Variants in CNTN4 observed in about 807,000 individuals in gnomAD.
CNTN4 encodes contactin-4.
In CNTN4, 77 loss-of-function variants were observed where a neutral mutation model predicts 122.5. That is an observed-to-expected ratio of 0.63 (90% CI 0.52 to 0.76). CNTN4 has a LOEUF of 0.76. CNTN4 is among the 30% of genes least tolerant of loss of function. The pLI is 0.00. For synonymous variants in CNTN4, 512 were observed against 447.0 expected (o/e 1.15, Z -1.83); for missense variants, 1,256 against 1,259.1 (o/e 1.00, Z 0.04).
intron 3 of CNTN4, among the ~76,000 whole-genome samples, chr3:2,507,759 G>GA (rs1172646525): frequency 1.4e-5 from 2 of 143,578 alleles, no homozygotes; most frequent in Non-Finnish European, 3.1e-5. Flanking sequence ...AAGAAAGAAA[G>GA]AAAAAAGAAA....
chr3:2,899,068 T>G (rs1425759071), intron 10 of CNTN4, among the ~76,000 whole-genome samples: 1 of 152,234 alleles, frequency 6.6e-6, no homozygotes, highest in Admixed American at 6.5e-5. Flanking sequence ...CAGCAATGCA[T>G]CATCCCATCA....
intron 2 of CNTN4, among the ~76,000 whole-genome samples, chr3:2,294,081 A>G (rs1458023909): frequency 1.3e-5 from 2 of 152,200 alleles, no homozygotes; most frequent in Non-Finnish European, 2.9e-5. Flanking sequence ...GCTTGTTCCC[A>G]TGGTGGTGAG....
intron 7 of CNTN4, among the ~76,000 whole-genome samples, chr3:2,840,437 A>C (rs13090156): frequency 0.027 from 4,127 of 151,152 alleles, 83 homozygotes; most frequent in Non-Finnish European, 0.038. Context: ...GCGGTGGCTC[A>C]CGCCTGTCAT....
intron 2 of CNTN4, among the ~76,000 whole-genome samples, chr3:2,336,567 T>A (rs1400218701): frequency 6.6e-6 from 1 of 152,212 alleles, no homozygotes; most frequent in Non-Finnish European, 1.5e-5. Context: ...AGTGGGCTTA[T>A]GATTTCTTAA....
chr3:2,265,999 G>A (rs894900546), intron 2 of CNTN4, among the ~76,000 whole-genome samples: 1 of 151,924 alleles, frequency 6.6e-6, no homozygotes, highest in African/African-American at 2.4e-5. Context: ...ATAAAAAATC[G>A]TATCATCTGA....
intron 6 of CNTN4, among the ~76,000 whole-genome samples, chr3:2,755,318 A>T (rs1472605712): frequency 6.6e-6 from 1 of 152,346 alleles, no homozygotes; most frequent in East Asian, 1.9e-4. Flanking sequence ...TGGATGGATG[A>T]CTATTTAGAT....
chr3:2,322,962 C>G (rs1180139368), intron 2 of CNTN4, among the ~76,000 whole-genome samples: 1 of 151,912 alleles, frequency 6.6e-6, no homozygotes, highest in African/African-American at 2.4e-5. Flanking sequence ...GGAGGATTAC[C>G]GAAGTTCACT....
intron 6 of CNTN4, among the ~76,000 whole-genome samples, chr3:2,816,425 G>A (rs1322868169): frequency 1.3e-5 from 2 of 151,762 alleles, no homozygotes; most frequent in Non-Finnish European, 2.9e-5. Flanking sequence ...GGGGACTTAG[G>A]GGGAAGAGTG....
In CNTN4 at chr3:2,168,369, T is replaced by A. The variant is rs542647471; in HGVS notation, c.-145+67730T>A. ...TAAACTTGTGAATGGCTTTTGGGTT[T>A]AAGTGGAAATCAATTATACTATGAA... On this transcript the variant is annotated intron_variant, in intron 2 of 24. Coordinates refer to ENST00000418658, the MANE Select transcript of CNTN4 (RefSeq NM_175607.3). Among the ~76,000 whole-genome samples, 6 of 152,264 alleles carry A rather than the reference T, an allele frequency of 3.9e-5. No individual in the cohort carries two copies. In the South Asian group the frequency reaches 1.0e-3, roughly 26 times the overall value.
chr3:2,889,456 CAA>C (rs901247191), intron 10 of CNTN4, among the ~76,000 whole-genome samples: 136 of 152,256 alleles, frequency 8.9e-4, no homozygotes, highest in African/African-American at 3.2e-3. Flanking sequence ...GGTTGTAAAG[CAA>C]AAGACACCAC....
Position 2,145,482 on chromosome 3 carries a change from A to G in CNTN4, c.-145+44843A>G, listed in dbSNP as rs552548994. On this transcript the variant is annotated intron_variant, in intron 2 of 24. Coordinates refer to ENST00000418658, the MANE Select transcript of CNTN4 (RefSeq NM_175607.3). ...CTTGGAAATAATCATATAAAACATA[A>G]TAGTGTGGCAAGGTGAGATCGAGCT... Among the ~76,000 whole-genome samples, 144 of 152,324 alleles carry G rather than the reference A, an allele frequency of 9.5e-4. 2 individuals are homozygous for G. Among genetic ancestry groups the G allele is most frequent in the African/African-American group, 3.2e-3 (132 of 41,578 alleles).
At chr3:2,908,038 C>G (rs1483941971) in intron 12 of CNTN4, among the ~76,000 whole-genome samples, 3 of 152,082 alleles carry the variant, frequency 2.0e-5, no homozygotes, top group Non-Finnish European at 2.9e-5. Context: ...CTGTCTTAGC[C>G]TGAGTCATGG....
intron 3 of CNTN4, among the ~76,000 whole-genome samples, chr3:2,367,853 T>C (rs1027408570): frequency 3.3e-5 from 5 of 152,040 alleles, no homozygotes; most frequent in African/African-American, 1.2e-4. Context: ...ACGTTCGGAC[T>C]ATTTCAGCCT....
rs11425560 is a variant in CNTN4, at chr3:2,243,517, A to ATT, written c.-144-95653_-144-95652dup. ...TAAAACATTATGAGATTGTTTTGTG[A>ATT]TTTTTTTTTAGCTCACCAGCTATCA... is the stretch of plus-strand genomic sequence containing the variant. On this transcript the variant is annotated intron_variant, in intron 2 of 24. Coordinates refer to ENST00000418658, the MANE Select transcript of CNTN4 (RefSeq NM_175607.3). Among the ~76,000 whole-genome samples, 174 of 151,264 alleles carry ATT rather than the reference A, an allele frequency of 1.2e-3. 2 individuals are homozygous for ATT. The highest frequency in any genetic ancestry group is 4.0e-3 in the African/African-American group (167 of 41,240).
At chr3:2,199,615 T>C (rs2038004354) in intron 2 of CNTN4, among the ~76,000 whole-genome samples, 1 of 152,194 alleles carries the variant, frequency 6.6e-6, no homozygotes, top group Non-Finnish European at 1.5e-5. Context: ...TGTGCCAAAC[T>C]GTTCTGGTGC....
intron 2 of CNTN4, among the ~76,000 whole-genome samples, chr3:2,259,471 C>A (rs1013411626): frequency 6.6e-6 from 1 of 152,156 alleles, no homozygotes; most frequent in Non-Finnish European, 1.5e-5. Context: ...TTTCACGCTG[C>A]TGATAAAGAC....
At chr3:2,626,505 A>G (rs1305883144) in intron 4 of CNTN4, among the ~76,000 whole-genome samples, 2 of 151,128 alleles carry the variant, frequency 1.3e-5, no homozygotes, top group African/African-American at 4.9e-5. Context: ...TCAAAAAAAA[A>G]ACAACAAAAA....
intron 7 of CNTN4, among the ~76,000 whole-genome samples, chr3:2,829,832 T>C (rs1249348781): frequency 2.0e-5 from 3 of 152,126 alleles, no homozygotes; most frequent in Admixed American, 6.5e-5. Flanking sequence ...TTGTAGAGAA[T>C]TGGTGGTCTG....
intron 2 of CNTN4, among the ~76,000 whole-genome samples, chr3:2,157,171 A>G (rs1357777872): frequency 6.6e-6 from 1 of 152,248 alleles, no homozygotes; most frequent in Non-Finnish European, 1.5e-5. Context: ...AGATATTTAA[A>G]AGTAAAATAA....
Sources: gnomAD v4.1 joint callset for allele counts (sites outside exome capture counted in the v4.1 genomes callset) on GRCh38, gnomAD v4.1.1 for gene constraint, MANE v1.5 for transcripts, NCBI Gene and HGNC (gene_info 2026-07-23, HGNC 2026-07-21) for gene names.